PHKA1: variants seen among roughly 807,000 people sequenced by gnomAD.
PHKA1 encodes the protein phosphorylase b kinase regulatory subunit alpha, skeletal muscle isoform.
A neutral mutation model predicts 110.2 loss-of-function variants in PHKA1; 60 were observed. That is an observed-to-expected ratio of 0.54 (90% CI 0.44 to 0.68). The LOEUF (loss-of-function observed/expected upper bound fraction) is 0.68, where lower values mean the gene tolerates loss of function less well. Ranked by LOEUF, PHKA1 falls within the 30% of genes least tolerant of loss-of-function variation. PHKA1 has a pLI of 0.00. For synonymous variants in PHKA1, 316 were observed against 333.6 expected, an observed-to-expected ratio of 0.95 and a Z score of 0.58; for missense variants, 801 against 942.5, an observed-to-expected ratio of 0.85 and a Z score of 1.97.
chrX:72,644,406 C>CT lies in PHKA1; in HGVS notation c.1414dup (p.Arg472LysfsTer20), dbSNP rs2053334866. 1 of 1,207,465 alleles carries CT rather than the reference C, an allele frequency of 8.3e-7. No individual in the cohort carries two copies. Among genetic ancestry groups the CT allele is most frequent in the Non-Finnish European group, 1.1e-6 (1 of 893,270 alleles). On this transcript the variant is annotated frameshift_variant, in exon 14 of 32. Transcript: ENST00000373542. LOFTEE classifies it high-confidence loss of function. Reference sequence around the variant, plus strand: ...GCTGAGAATACGAGCTGGTTGTACTCTGATGGGGTATACCTCAGCAATGGT... The same window carrying CT: ...GCTGAGAATACGAGCTGGTTGTACTCTTGATGGGGTATACCTCAGCAATGGT...
chrX:72,582,222 C>T (rs1167264886), intron 31 of PHKA1, among the ~76,000 whole-genome samples, 176 bp downstream of exon 31: 2 of 111,272 alleles, frequency 1.8e-5, no homozygotes, highest in African/African-American at 6.5e-5. Flanking sequence ...AGACAGAGGT[C>T]TTCCTGCGGC....
intron 18 of PHKA1, chrX:72,622,484 T>G (rs2052993605): frequency 1.3e-6 from 1 of 752,370 alleles, no homozygotes; most frequent in South Asian, 6.8e-5. Flanking sequence ...TCTGCCTAAG[T>G]CAGTATTTTA....
At chrX:72,706,228 G>C (rs1454462107) in intron 2 of PHKA1, among the ~76,000 whole-genome samples, 1 of 112,028 alleles carries the variant, frequency 8.9e-6, no homozygotes, top group African/African-American at 3.2e-5. Context: ...TTCTGTGGGA[G>C]AGTCCCCTTT....
chrX:72,647,360 G>A (rs1266027274), intron 13 of PHKA1, among the ~76,000 whole-genome samples: 1 of 111,392 alleles, frequency 9.0e-6, no homozygotes, highest in Middle Eastern at 4.3e-3. Flanking sequence ...AGGCATATAG[G>A]AGGAAAAGCA....
intron 11 of PHKA1, 97 bp downstream of exon 11, chrX:72,653,338 A>C (rs1388931341): frequency 3.4e-5 from 19 of 565,201 alleles, no homozygotes; most frequent in Non-Finnish European, 5.2e-5. Flanking sequence ...AGAACAACAA[A>C]ATAAGATTAA....
intron 13 of PHKA1, among the ~76,000 whole-genome samples, chrX:72,650,014 C>T (rs1204739629): frequency 1.9e-5 from 2 of 107,328 alleles, no homozygotes; most frequent in Admixed American, 1.0e-4. Context: ...AAATACTAAG[C>T]GCAGAACCAT....
At chrX:72,626,662 A>G (rs1339812441) in intron 17 of PHKA1, among the ~76,000 whole-genome samples, 1 of 111,832 alleles carries the variant, frequency 8.9e-6, no homozygotes, top group Non-Finnish European at 1.9e-5. Flanking sequence ...ATACATACCT[A>G]TGATATAGTT....
In PHKA1 at chrX:72,689,024, T is replaced by C. The variant is rs186296538; in HGVS notation, c.455-4444A>G. ...AGAGGTGAGTACACATAAAATGAGATAGGGCTGGATTAGACCAAAGGTGAC... is the reference window on the plus strand; with the variant it reads ...AGAGGTGAGTACACATAAAATGAGACAGGGCTGGATTAGACCAAAGGTGAC... On this transcript the variant is annotated intron_variant, in intron 4 of 31. Coordinates refer to ENST00000373542, the MANE Select transcript of PHKA1 (RefSeq NM_002637.4). 7.2e-5 allele frequency: 8 copies of C among 111,283 alleles called. No individual in the cohort carries two copies. The East Asian group carries it at 2.0e-3, about 27-fold the overall frequency. 9.2% of individuals were successfully genotyped at this position (111,283 alleles called of 1,213,427 possible).
At chrX:72,661,310 T>C (rs1258742235) in intron 8 of PHKA1, among the ~76,000 whole-genome samples, 2 of 111,558 alleles carry the variant, frequency 1.8e-5, no homozygotes, top group Non-Finnish European at 3.8e-5. Flanking sequence ...TCCTGCTAGA[T>C]TTTATATTCT....
intron 8 of PHKA1, 90 bp downstream of exon 8, chrX:72,666,059 TCA>T: frequency 1.1e-6 from 1 of 872,513 alleles, no homozygotes; most frequent in Non-Finnish European, 1.6e-6. Flanking sequence ...TTTCTTGAAA[TCA>T]CAGACACAGG....
chrX:72,610,962 T>C (rs782271265), intron 22 of PHKA1, 66 bp downstream of exon 22: 2 of 912,954 alleles, frequency 2.2e-6, no homozygotes, highest in Admixed American at 2.4e-5. Flanking sequence ...AAAAAACAAT[T>C]ATAGAAACCA....
Position 72,701,154 on chromosome X carries a change from T to G in PHKA1, c.285+4044A>C, listed in dbSNP as rs782586786. Among the ~76,000 whole-genome samples, 379 of 112,480 alleles carry G rather than the reference T, an allele frequency of 3.4e-3. 1 individual carries two copies. Among genetic ancestry groups the G allele is most frequent in the Non-Finnish European group, 5.1e-3 (274 of 53,346 alleles). ...AACGGGACACAGTTGGAGAAACTGGTAATTTTACCAAGGCTTTGACTGGAA... is the reference window on the plus strand; with the variant it reads ...AACGGGACACAGTTGGAGAAACTGGGAATTTTACCAAGGCTTTGACTGGAA... On this transcript the variant is annotated intron_variant, in intron 3 of 31. Coordinates refer to ENST00000373542, the MANE Select transcript of PHKA1 (RefSeq NM_002637.4).
intron 6 of PHKA1, among the ~76,000 whole-genome samples, chrX:72,672,820 C>T (rs1169751021): frequency 8.9e-6 from 1 of 112,214 alleles, no homozygotes; most frequent in East Asian, 2.8e-4. Context: ...ACATCATGTG[C>T]TTCCTGATGA....
intron 16 of PHKA1, among the ~76,000 whole-genome samples, chrX:72,634,803 C>T (rs1252965806): frequency 8.9e-6 from 1 of 111,966 alleles, no homozygotes; most frequent in Non-Finnish European, 1.9e-5. Context: ...TAACCACCAA[C>T]CAAGTTTTAA....
chrX:72,710,426 T>C (rs1381724134), intron 2 of PHKA1, among the ~76,000 whole-genome samples: 6 of 112,138 alleles, frequency 5.4e-5, no homozygotes, highest in Non-Finnish European at 1.9e-5. Context: ...GATGACTGCA[T>C]TGTCTCTGGC....
intron 8 of PHKA1, among the ~76,000 whole-genome samples, chrX:72,664,762 G>A (rs2053599859): frequency 9.0e-6 from 1 of 111,277 alleles, no homozygotes; most frequent in Non-Finnish European, 1.9e-5. Flanking sequence ...AATAACAAGA[G>A]AAACTTTTGA....
chrX:72,667,848 C>T (rs1281338276), intron 6 of PHKA1, among the ~76,000 whole-genome samples: 2 of 111,588 alleles, frequency 1.8e-5, no homozygotes, highest in African/African-American at 6.5e-5. Flanking sequence ...AAGTAAAACA[C>T]ACTCCTTATA....
At chrX:72,622,436 C>A (rs1556278973) in intron 18 of PHKA1, 7 of 751,747 alleles carry the variant, frequency 9.3e-6, no homozygotes, top group Non-Finnish European at 1.1e-5. Flanking sequence ...TTCTTATTGG[C>A]CCTTCTCTGT....
chrX:72,653,572 G>A lies in PHKA1; in HGVS notation c.1042-42C>T, dbSNP rs181343673. 15 of 903,049 alleles carry A rather than the reference G, an allele frequency of 1.7e-5. No individual in the cohort carries two copies. The South Asian group carries it at 3.1e-4, about 19-fold the overall frequency. 74.4% of individuals were successfully genotyped at this position (903,049 alleles called of 1,213,427 possible). A position where few individuals can be genotyped will look rare whatever the true frequency, so the allele number is the denominator to read the frequency against. On this transcript the variant is annotated intron_variant, in intron 10 of 31. Coordinates refer to ENST00000373542, the MANE Select transcript of PHKA1 (RefSeq NM_002637.4). ...GGCAGGAAAAAAAGACTTACAGAGA[G>A]TCCCTTTGGGGACCCAGGAGAAGGT...
Sources: gnomAD v4.1 joint callset for allele counts (sites outside exome capture counted in the v4.1 genomes callset) on GRCh38, gnomAD v4.1.1 for gene constraint, MANE v1.5 for transcripts, NCBI Gene and HGNC (gene_info 2026-07-23, HGNC 2026-07-21) for gene names.